Variants in EPM2A observed in about 807,000 individuals in gnomAD.
EPM2A encodes laforin.
EPM2A carries 21 observed loss-of-function variants against 26.5 expected under a neutral mutation model. The observed-to-expected ratio is 0.79, with a 90% CI of 0.56 to 1.14. EPM2A has a LOEUF of 1.14. Ranked by LOEUF, EPM2A falls within the 50% of genes most tolerant of loss-of-function variation. EPM2A has a pLI of 0.00. For missense variants in EPM2A, 458 were observed against 440.8 expected, an observed-to-expected ratio of 1.04 and a Z score of -0.35; for synonymous variants, 217 against 177.6, an observed-to-expected ratio of 1.22 and a Z score of -1.76.
intron 4 of EPM2A, among the ~76,000 whole-genome samples, chr6:145,441,729 G>T (rs753190392): frequency 1.3e-5 from 2 of 152,082 alleles, no homozygotes; most frequent in Non-Finnish European, 2.9e-5. Context: ...GGGCATGGTG[G>T]TGCATGCCTG....
intron 2 of EPM2A, among the ~76,000 whole-genome samples, chr6:145,667,923 C>G (rs1054428560): frequency 4.7e-5 from 7 of 149,730 alleles, no homozygotes; most frequent in Non-Finnish European, 8.9e-5. Context: ...AACAAAAAAC[C>G]AAACACCGTA....
At chr6:145,495,626 G>A (rs1436664631) in intron 4 of EPM2A, among the ~76,000 whole-genome samples, 2 of 152,132 alleles carry the variant, frequency 1.3e-5, no homozygotes, top group Admixed American at 1.3e-4. Context: ...CATCCAGGCT[G>A]GAGTGCAATG....
chr6:145,620,316 A>G (rs1272268329), downstream of EPM2A, among the ~76,000 whole-genome samples: 2 of 152,136 alleles, frequency 1.3e-5, no homozygotes, highest in African/African-American at 4.8e-5. Flanking sequence ...TCCGCTGACA[A>G]TCTGATGCCG....
intron 2 of EPM2A, among the ~76,000 whole-genome samples, chr6:145,510,264 T>C (rs413916): frequency 0.45 from 68,087 of 151,600 alleles, 15,283 homozygotes; most frequent in South Asian, 0.58. Flanking sequence ...AACAGAATAC[T>C]GCACCCAACA....
intron 2 of EPM2A, among the ~76,000 whole-genome samples, chr6:145,544,096 G>A (rs1780550816): frequency 6.6e-6 from 1 of 152,194 alleles, no homozygotes; most frequent in Admixed American, 6.5e-5. Flanking sequence ...TTAAGCTAGA[G>A]TTAAGTCTGG....
At chr6:145,527,359 A>G (rs1419047202) in intron 2 of EPM2A, among the ~76,000 whole-genome samples, 4 of 152,184 alleles carry the variant, frequency 2.6e-5, no homozygotes, top group South Asian at 2.1e-4. Context: ...TTCTGCCTCA[A>G]TGATCTGTCA....
intron 2 of EPM2A, among the ~76,000 whole-genome samples, chr6:145,586,096 TC>T (rs1483875305): frequency 6.6e-6 from 1 of 152,056 alleles, no homozygotes; most frequent in Non-Finnish European, 1.5e-5. Context: ...ACTCAAGGAG[TC>T]TCCTAGGCTT....
At chr6:145,489,665 T>C in intron 4 of EPM2A, 1 of 1,343,644 alleles carries the variant, frequency 7.4e-7, no homozygotes, top group Non-Finnish European at 1.1e-6. Flanking sequence ...CTGTCCTCAT[T>C]CTCTGCCTTT....
At chr6:145,668,064 A>G (rs1779360890) in intron 2 of EPM2A, among the ~76,000 whole-genome samples, 1 of 148,688 alleles carries the variant, frequency 6.7e-6, no homozygotes, top group African/African-American at 2.5e-5. Flanking sequence ...ACCTAAGGCT[A>G]GATGACGAGT....
At chr6:145,568,701 C>T (rs2114822466) in intron 2 of EPM2A, among the ~76,000 whole-genome samples, 1 of 152,266 alleles carries the variant, frequency 6.6e-6, no homozygotes, top group East Asian at 1.9e-4. Context: ...CTCCTCTGTG[C>T]TATCCCTTTT....
intron 2 of EPM2A, among the ~76,000 whole-genome samples, chr6:145,523,775 T>A (rs1233035162): frequency 6.6e-6 from 1 of 152,148 alleles, no homozygotes. Flanking sequence ...TTTTTTTTCA[T>A]AATTTCAACA....
At chr6:145,607,473 G>A (rs1775287630) in intron 2 of EPM2A, among the ~76,000 whole-genome samples, 1 of 152,116 alleles carries the variant, frequency 6.6e-6, no homozygotes, top group Admixed American at 6.5e-5. Context: ...CGGCAGATGG[G>A]AAAAAGCATT....
intron 4 of EPM2A, among the ~76,000 whole-genome samples, chr6:145,413,494 G>A (rs1778669887): frequency 6.6e-6 from 1 of 152,084 alleles, no homozygotes; most frequent in Non-Finnish European, 1.5e-5. Context: ...AGACAAATTA[G>A]AAAGACTTCA....
chr6:145,655,170 A>C (rs1778178243), intron 2 of EPM2A, among the ~76,000 whole-genome samples: 1 of 145,610 alleles, frequency 6.9e-6, no homozygotes, highest in Non-Finnish European at 1.5e-5. Flanking sequence ...TATTTCAAAC[A>C]GTGTGATTTT....
intron 4 of EPM2A, among the ~76,000 whole-genome samples, chr6:145,470,670 G>A (rs1779462034): frequency 6.6e-6 from 1 of 152,080 alleles, no homozygotes; most frequent in Admixed American, 6.6e-5. Flanking sequence ...AATTTCTAGT[G>A]CAAAAAGATT....
chr6:145,488,187 T>G (rs760676605), intron 4 of EPM2A, among the ~76,000 whole-genome samples: 2 of 152,160 alleles, frequency 1.3e-5, no homozygotes, highest in Non-Finnish European at 2.9e-5. Context: ...GTGATCGTTC[T>G]TGTACCAGTA....
chr6:145,662,150 C>T (rs1382846705), intron 2 of EPM2A, among the ~76,000 whole-genome samples: 1 of 152,136 alleles, frequency 6.6e-6, no homozygotes, highest in Non-Finnish European at 1.5e-5. Context: ...TGTGTTCCTC[C>T]CTTCTTCCCA....
chr6:145,448,310 CA>C (rs1175132500), intron 4 of EPM2A, among the ~76,000 whole-genome samples: 1 of 151,966 alleles, frequency 6.6e-6, no homozygotes, highest in Non-Finnish European at 1.5e-5. Context: ...TCTCATTACC[CA>C]AACTTATAGG....
downstream of EPM2A, among the ~76,000 whole-genome samples, chr6:145,500,363 A>C (rs1771764001): frequency 6.6e-6 from 1 of 152,174 alleles, no homozygotes; most frequent in Non-Finnish European, 1.5e-5. Flanking sequence ...AGGTGAGAAA[A>C]CTGCAAAAAG....
Sources: allele counts gnomAD v4.1 joint callset (sites outside exome capture counted in the v4.1 genomes callset), GRCh38; gene constraint gnomAD v4.1.1; transcripts MANE v1.5; gene names NCBI Gene and HGNC (gene_info 2026-07-23, HGNC 2026-07-21).